CSMD1: variants seen among roughly 807,000 people sequenced by gnomAD.
CSMD1 encodes CUB and sushi domain-containing protein 1.
A neutral mutation model predicts 417.5 loss-of-function variants in CSMD1; 213 were observed. That is an observed-to-expected ratio of 0.51 (90% CI 0.46 to 0.57). The LOEUF (loss-of-function observed/expected upper bound fraction) is 0.57, where lower values mean the gene tolerates loss of function less well. Among genes scored for constraint, CSMD1 ranks in the 20% least tolerant of loss-of-function variants. The probability of loss-of-function intolerance (pLI) is 0.00; values close to 1 mark genes in which losing one functional copy is unlikely to be tolerated. For synonymous variants in CSMD1, 2,862 were observed against 1,736.8 expected (o/e 1.65, Z -16.11); for missense variants, 6,923 against 4,529.7 (o/e 1.53, Z -15.17).
At chr8:4,062,843 C>G (rs1171952423) in intron 3 of CSMD1, among the ~76,000 whole-genome samples, 2 of 151,596 alleles carry the variant, frequency 1.3e-5, no homozygotes, top group Non-Finnish European at 2.9e-5. Flanking sequence ...TGTCAAAACC[C>G]TACCAGCCAA....
At chr8:4,438,337 C>G (rs1798265125) in intron 2 of CSMD1, among the ~76,000 whole-genome samples, 1 of 152,178 alleles carries the variant, frequency 6.6e-6, no homozygotes, top group South Asian at 2.1e-4. Context: ...TCTCCAGTCT[C>G]TGAACTCTGT....
At chr8:2,950,879 A>G (rs1252631661) in intron 66 of CSMD1, among the ~76,000 whole-genome samples, 1 of 152,204 alleles carries the variant, frequency 6.6e-6, no homozygotes, top group Non-Finnish European at 1.5e-5. Context: ...TTGACTTAAT[A>G]TGTGCATAAT....
At chr8:3,684,588 G>C (rs987201416) in intron 7 of CSMD1, among the ~76,000 whole-genome samples, 1 of 144,938 alleles carries the variant, frequency 6.9e-6, no homozygotes, top group Non-Finnish European at 1.5e-5. Context: ...TGCAGATACT[G>C]ATACAGTCTT....
intron 2 of CSMD1, among the ~76,000 whole-genome samples, chr8:4,500,303 G>C (rs1012821326): frequency 2.0e-5 from 3 of 152,152 alleles, no homozygotes; most frequent in African/African-American, 7.2e-5. Flanking sequence ...TTTGTGCATA[G>C]GTTACCAGGG....
intron 2 of CSMD1, among the ~76,000 whole-genome samples, chr8:4,529,315 A>G (rs182254476): frequency 1.6e-4 from 24 of 152,352 alleles, no homozygotes; most frequent in African/African-American, 5.5e-4. Context: ...TTGTATGCAA[A>G]AAAAATTACA....
Position 4,466,076 on chromosome 8 carries a change from T to C in CSMD1, c.303-46011A>G, listed in dbSNP as rs1800148624. Among the ~76,000 whole-genome samples, 9 of 152,320 alleles carry C rather than the reference T, an allele frequency of 5.9e-5. No homozygotes were observed. In the South Asian group the frequency reaches 1.9e-3, roughly 32 times the overall value. On this transcript the variant is annotated intron_variant, in intron 2 of 69. Transcript: ENST00000635120. ...ATGATAACACAAGTCAAACAAGTTA[T>C]GGAGAGATTAAATATCATGACACCA...
rs534506528 is a variant in CSMD1, at chr8:4,611,254, T to A, written c.302+26088A>T. On this transcript the variant is annotated intron_variant, in intron 2 of 69. Coordinates refer to ENST00000635120, the MANE Select transcript of CSMD1 (RefSeq NM_033225.6). ...ATGGGTACTATTCGTCAATTTACTC[T>A]TCACTTAATCCTGTGTTGTGAAAAC... Among the ~76,000 whole-genome samples, 62 of 152,300 alleles carry A rather than the reference T, an allele frequency of 4.1e-4. No homozygotes were observed. In the South Asian group the frequency reaches 6.8e-3, roughly 17 times the overall value.
chr8:4,910,924 G>C (rs576838781), intron 1 of CSMD1, among the ~76,000 whole-genome samples: 1 of 152,164 alleles, frequency 6.6e-6, no homozygotes, highest in East Asian at 1.9e-4. Flanking sequence ...TGAATCATGG[G>C]GTCAGGTCTC....
intron 18 of CSMD1, among the ~76,000 whole-genome samples, chr8:3,370,609 C>G (rs148002243): frequency 6.6e-6 from 1 of 152,192 alleles, no homozygotes; most frequent in East Asian, 1.9e-4. Flanking sequence ...AGTCAGTGGA[C>G]TGAGTGAAGA....
intron 3 of CSMD1, among the ~76,000 whole-genome samples, chr8:4,405,744 C>T (rs1053543899): frequency 2.6e-5 from 4 of 152,172 alleles, no homozygotes; most frequent in African/African-American, 4.8e-5. Context: ...TAGTGCACCA[C>T]CAGACACCCC....
rs1182680511 is a variant in CSMD1 at position 4,351,187 on chromosome 8, C to T, written c.415+68766G>A. On this transcript the variant is annotated intron_variant, in intron 3 of 69. Coordinates refer to ENST00000635120, the MANE Select transcript of CSMD1 (RefSeq NM_033225.6). ...AAAAAATTAGGGAAAGAACAAATGACTTCTAGGAGTTAATAAAATGTACCA... is the reference window on the plus strand; with the variant it reads ...AAAAAATTAGGGAAAGAACAAATGATTTCTAGGAGTTAATAAAATGTACCA... Among the ~76,000 whole-genome samples, 3 of 152,128 alleles carry T rather than the reference C, an allele frequency of 2.0e-5. No individual in the cohort carries two copies. The East Asian group carries it at 5.8e-4, about 29-fold the overall frequency.
rs189215574 is a variant in CSMD1, at chr8:4,367,799, G to C, written c.415+52154C>G. Reference sequence around the variant, plus strand: ...TCATTGTTGGTAAGTTATATCCCTAGGTATTTTATTCTTTGTGCTATTTTT... The same window carrying C: ...TCATTGTTGGTAAGTTATATCCCTACGTATTTTATTCTTTGTGCTATTTTT... On this transcript the variant is annotated intron_variant, in intron 3 of 69. Transcript: ENST00000635120. Among the ~76,000 whole-genome samples, 6 of 152,064 alleles carry C rather than the reference G, an allele frequency of 3.9e-5. No homozygotes were observed. The East Asian group carries it at 5.8e-4, about 15-fold the overall frequency.
intron 26 of CSMD1, among the ~76,000 whole-genome samples, chr8:3,267,188 G>A (rs530927753): frequency 1.3e-5 from 2 of 152,196 alleles, no homozygotes; most frequent in East Asian, 3.9e-4. Flanking sequence ...CTGGGAGAGG[G>A]GTCAGAATTC....
chr8:4,305,518 G>C (rs1005573310), intron 3 of CSMD1, among the ~76,000 whole-genome samples: 1 of 152,196 alleles, frequency 6.6e-6, no homozygotes, highest in Non-Finnish European at 1.5e-5. Context: ...GGGCAGAGCG[G>C]TGTCACAGAA....
chr8:3,887,805 T>G (rs772476614), intron 5 of CSMD1, among the ~76,000 whole-genome samples: 3 of 152,210 alleles, frequency 2.0e-5, no homozygotes, highest in African/African-American at 7.2e-5. Context: ...GCATTTTGCC[T>G]CTGTCTGCCT....
At chr8:3,891,984 A>G (rs1339268739) in intron 5 of CSMD1, among the ~76,000 whole-genome samples, 2 of 152,132 alleles carry the variant, frequency 1.3e-5, no homozygotes, top group Non-Finnish European at 1.5e-5. Context: ...GGCTACTTCA[A>G]TATTAGCACA....
intron 41 of CSMD1, among the ~76,000 whole-genome samples, chr8:3,142,156 A>G (rs751070129): frequency 7.2e-5 from 11 of 152,148 alleles, no homozygotes; most frequent in Non-Finnish European, 1.5e-4. Context: ...TTGAGTCACA[A>G]TAAAACTCCG....
Position 4,647,476 on chromosome 8 carries a change from G to A in CSMD1, c.86-9918C>T, listed in dbSNP as rs372039016. Among the ~76,000 whole-genome samples, 8 of 148,082 alleles carry A rather than the reference G, an allele frequency of 5.4e-5. No homozygotes were observed. The East Asian group carries it at 5.8e-4, about 11-fold the overall frequency. On this transcript the variant is annotated intron_variant, in intron 1 of 69. Transcript: ENST00000635120. ...CCACGGCGGCCTGCTACGTAGGTAC[G>A]CGTGTGCCATGGTGGTTTGTTACGT...
At chr8:4,434,421 T>G (rs1249289422) in intron 2 of CSMD1, among the ~76,000 whole-genome samples, 3 of 152,184 alleles carry the variant, frequency 2.0e-5, no homozygotes, top group African/African-American at 7.2e-5. Context: ...CACAAGCCAC[T>G]TTTTGAACTC....
Sources: allele counts gnomAD v4.1 joint callset (sites outside exome capture counted in the v4.1 genomes callset), GRCh38; gene constraint gnomAD v4.1.1; transcripts MANE v1.5; gene names NCBI Gene and HGNC (gene_info 2026-07-23, HGNC 2026-07-21).